LOC128462377: variants seen among roughly 807,000 people sequenced by gnomAD.
the LOC128462377 span, among the ~76,000 whole-genome samples, chr16:89,342,704 TG>T: frequency 6.6e-6 from 1 of 152,258 alleles, no homozygotes; most frequent in Admixed American, 6.5e-5. Flanking sequence ...AATCTATTTA[TG>T]GGCCCTACAG....
At chr16:89,365,218 A>C in the LOC128462377 span, among the ~76,000 whole-genome samples, 1 of 152,212 alleles carries the variant, frequency 6.6e-6, no homozygotes, top group Non-Finnish European at 1.5e-5. Flanking sequence ...CAGAAGGGGA[A>C]GTTCCAGAGC....
At chr16:89,377,395 G>C in the LOC128462377 span, among the ~76,000 whole-genome samples, 1 of 151,890 alleles carries the variant, frequency 6.6e-6, no homozygotes, top group Non-Finnish European at 1.5e-5. Context: ...AGAAAACTAT[G>C]TCTGGAGGTT....
At chr16:89,321,816 A>T in the LOC128462377 span, among the ~76,000 whole-genome samples, 1 of 152,116 alleles carries the variant, frequency 6.6e-6, no homozygotes, top group Non-Finnish European at 1.5e-5. Context: ...GGGTTCACTT[A>T]CACGCAGATT....
chr16:89,337,076 T>C, the LOC128462377 span, among the ~76,000 whole-genome samples: 2 of 150,324 alleles, frequency 1.3e-5, no homozygotes, highest in African/African-American at 2.5e-5. Context: ...GTCCCAGCTA[T>C]TTGGGAGGCT....
the LOC128462377 span, among the ~76,000 whole-genome samples, chr16:89,417,467 C>T: frequency 4.3e-4 from 65 of 152,306 alleles, no homozygotes; most frequent in African/African-American, 1.5e-3. Context: ...CCTACAGCGA[C>T]ACGTGCTTGC....
At chr16:89,398,577 C>G in the LOC128462377 span, among the ~76,000 whole-genome samples, 2 of 151,918 alleles carry the variant, frequency 1.3e-5, no homozygotes, top group African/African-American at 2.4e-5. Flanking sequence ...TTTAACAAAA[C>G]AATAAAAAAA....
the LOC128462377 span, among the ~76,000 whole-genome samples, chr16:89,357,816 G>A: frequency 6.6e-6 from 1 of 152,222 alleles, no homozygotes; most frequent in Non-Finnish European, 1.5e-5. Context: ...CCAATCCATG[G>A]CCACAGGACA....
chr16:89,381,354 A>AGGC, the LOC128462377 span, among the ~76,000 whole-genome samples: 5 of 125,346 alleles, frequency 4.0e-5, no homozygotes, highest in Admixed American at 3.3e-4. Flanking sequence ...AAAAAAAAAA[A>AGGC]GGGGTGAGAA....
the LOC128462377 span, among the ~76,000 whole-genome samples, chr16:89,321,686 A>G: frequency 6.6e-6 from 1 of 152,148 alleles, no homozygotes; most frequent in East Asian, 1.9e-4. Flanking sequence ...TGACACAACT[A>G]ATCTTAAAAC....
At chr16:89,325,874 C>A in the LOC128462377 span, among the ~76,000 whole-genome samples, 1 of 152,178 alleles carries the variant, frequency 6.6e-6, no homozygotes, top group Non-Finnish European at 1.5e-5. Flanking sequence ...AGGGCCCCAT[C>A]GCCCTGCTAG....
the LOC128462377 span, among the ~76,000 whole-genome samples, chr16:89,407,777 G>A: frequency 6.7e-6 from 1 of 149,734 alleles, no homozygotes; most frequent in Non-Finnish European, 1.5e-5. Flanking sequence ...TTGAGCCCAG[G>A]AGGCAGAGGC....
At chr16:89,407,852 CA>C in the LOC128462377 span, among the ~76,000 whole-genome samples, 320 of 111,422 alleles carry the variant, frequency 2.9e-3, 1 homozygote, top group African/African-American at 7.7e-3. Flanking sequence ...TGTCTCCCTC[CA>C]AAAAAAAAAA....
the LOC128462377 span, among the ~76,000 whole-genome samples, chr16:89,388,757 G>A: frequency 6.6e-6 from 1 of 152,210 alleles, no homozygotes; most frequent in South Asian, 2.1e-4. Flanking sequence ...CTGGAATGGT[G>A]CCACTGCCCA....
the LOC128462377 span, among the ~76,000 whole-genome samples, chr16:89,384,339 C>T: frequency 0.021 from 3,227 of 152,182 alleles, 73 homozygotes; most frequent in East Asian, 0.11. Flanking sequence ...GAGACCAGCC[C>T]GTCCAACATA....
the LOC128462377 span, among the ~76,000 whole-genome samples, chr16:89,385,580 T>C: frequency 1.3e-5 from 2 of 151,890 alleles, no homozygotes; most frequent in African/African-American, 4.8e-5. Flanking sequence ...CTCTACTGAG[T>C]GAGCAAGAAG....
chr16:89,395,416 G>C, the LOC128462377 span, among the ~76,000 whole-genome samples: 1 of 152,372 alleles, frequency 6.6e-6, no homozygotes, highest in Non-Finnish European at 1.5e-5. Flanking sequence ...GGCATGCAAA[G>C]ATCAAAGAGA....
At chr16:89,390,942 C>G in the LOC128462377 span, among the ~76,000 whole-genome samples, 1 of 151,946 alleles carries the variant, frequency 6.6e-6, no homozygotes, top group African/African-American at 2.4e-5. Context: ...AAAATTATTG[C>G]ACCAGGCTGG....
the LOC128462377 span, among the ~76,000 whole-genome samples, chr16:89,390,623 AG>A: frequency 1.3e-5 from 2 of 152,320 alleles, no homozygotes; most frequent in African/African-American, 4.8e-5. Flanking sequence ...AAAATCTTAA[AG>A]GCAGTCAAAG....
At chr16:89,405,847 G>T in the LOC128462377 span, among the ~76,000 whole-genome samples, 1 of 152,068 alleles carries the variant, frequency 6.6e-6, no homozygotes, top group Admixed American at 6.6e-5. Flanking sequence ...CTTAGCTCCA[G>T]CAAGAATAAT....
Sources: allele counts gnomAD v4.1 joint callset (sites outside exome capture counted in the v4.1 genomes callset), GRCh38; gene constraint gnomAD v4.1.1; transcripts MANE v1.5.